Variants in PLB1 observed in about 807,000 individuals in gnomAD.
The protein encoded by PLB1 is phospholipase B1, also known as phospholipase B1, membrane-associated.
In PLB1, 242 loss-of-function variants were observed where a neutral mutation model predicts 227.4. The ratio of observed to expected loss-of-function variants is 1.06; its 90% CI spans 0.96 to 1.18. The LOEUF (loss-of-function observed/expected upper bound fraction) is 1.18, where lower values mean the gene tolerates loss of function less well. Among genes scored for constraint, PLB1 ranks in the 50% most tolerant of loss-of-function variants. The pLI is 0.00. For missense variants in PLB1, 1,858 were observed against 1,816.3 expected, an observed-to-expected ratio of 1.02 and a Z score of -0.42; for synonymous variants, 757 against 682.2, an observed-to-expected ratio of 1.11 and a Z score of -1.71.
At chr2:28,624,533 G>GA (rs912459895) in intron 49 of PLB1, among the ~76,000 whole-genome samples, 1,767 of 146,754 alleles carry the variant, frequency 0.012, 30 homozygotes, top group African/African-American at 0.041. Flanking sequence ...TGGAGAGGGA[G>GA]AAAAAAAAAA....
intron 49 of PLB1, among the ~76,000 whole-genome samples, chr2:28,622,613 G>C (rs1322290563): frequency 6.6e-6 from 1 of 152,184 alleles, no homozygotes; most frequent in African/African-American, 2.4e-5. Flanking sequence ...AAAGGGCCAG[G>C]CATGGTGACT....
intron 1 of PLB1, among the ~76,000 whole-genome samples, chr2:28,514,845 T>C (rs1200629372): frequency 6.6e-6 from 1 of 152,112 alleles, no homozygotes; most frequent in Non-Finnish European, 1.5e-5. Context: ...TATTTTTATT[T>C]TATTTTTTTA....
intron 9 of PLB1, among the ~76,000 whole-genome samples, chr2:28,533,159 C>G (rs551892037): frequency 1.3e-4 from 20 of 152,262 alleles, no homozygotes; most frequent in African/African-American, 4.1e-4. Flanking sequence ...CTCTTGCCTT[C>G]CTTCAAGTGC....
chr2:28,593,987 G>T (rs1469049098), intron 33 of PLB1: 8 of 743,870 alleles, frequency 1.1e-5, no homozygotes, highest in Admixed American at 1.8e-5. Flanking sequence ...GTAAACCAGG[G>T]TTCTTATCAG....
At position 28,598,005 on chromosome 2, in the gene PLB1, T is replaced by C; in HGVS notation, c.2322T>C (p.Ser774=). The C allele has an allele frequency of 6.2e-7, 1 of 1,612,636 alleles. No homozygotes were observed. Among genetic ancestry groups the C allele is most frequent in the Non-Finnish European group, 8.5e-7 (1 of 1,178,700 alleles). The part of the protein sequence containing the change: ...VTTQYRGLSY[S]AGGDGSLENV... The stretch of plus-strand genomic sequence containing the variant: ...TCACTGGCTTGCTCACTCCCTACAG[T>C]GCAGGAGGGGACGGCTCCCTGGAGA... The change falls in exon 34 of 58, where the codon AGT becomes AGC. Residue 774 remains serine, a splice_region_variant and synonymous_variant. Coordinates refer to ENST00000327757, the MANE Select transcript of PLB1 (RefSeq NM_153021.5).
At chr2:28,539,313 G>T in intron 11 of PLB1, 135 bp downstream of exon 11, 2 of 786,058 alleles carry the variant, frequency 2.5e-6, no homozygotes, top group Non-Finnish European at 4.3e-6. Context: ...AGAAACACAT[G>T]CGAGCTCACA....
chr2:28,598,828 C>T lies in PLB1; in HGVS notation c.2474+68C>T, dbSNP rs7557449. On this transcript the variant is annotated intron_variant, in intron 35 of 57. Transcript: ENST00000327757. ...GGAATGTGGATAGTACCCTTTAAGA[C>T]CATGGGGCTGGCCTCTATGTGCAAA... is the stretch of plus-strand genomic sequence containing the variant. 9.8e-3 allele frequency: 13,405 copies of T among 1,362,352 alleles called. 1,015 individuals are homozygous for T. The African/African-American group carries it at 0.17, about 17-fold the overall frequency. The allele number at this position is 1,362,352 out of a possible 1,614,324, so 84.4% of individuals were successfully genotyped here.
intron 20 of PLB1, 138 bp downstream of exon 20, chr2:28,566,977 CCGAGACTGCCGCCCAGCT>C: frequency 1.0e-6 from 1 of 964,442 alleles, no homozygotes; most frequent in South Asian, 1.4e-5. Context: ...GCGCTGCCTC[CCGAGACTGCCGCCCAGCT>C]CCGCTTCCGA....
At position 28,632,059 on chromosome 2, in the gene PLB1, C is replaced by T. The variant is rs780182466; in HGVS notation, c.3921C>T (p.Tyr1307=). Residue 1307 remains tyrosine (Y), a synonymous_variant, in exon 55 of 58, where the codon TAC becomes TAT. Coordinates refer to ENST00000327757, the MANE Select transcript of PLB1 (RefSeq NM_153021.5). ...NLQHGISSFS[Y]WHQYTQREDF... is the part of the protein sequence containing the mutation. ...AGCATGGCATCTCCAGTTTCTCCTA[C>T]TGGCACCAATACACACAGCGTGAGG... The T allele has an allele frequency of 6.2e-7, 1 of 1,614,092 alleles. No homozygotes were observed. The highest frequency in any genetic ancestry group is 8.5e-7 in the Non-Finnish European group (1 of 1,179,974).
intron 17 of PLB1, among the ~76,000 whole-genome samples, chr2:28,559,199 G>C (rs2148233159): frequency 6.6e-6 from 1 of 152,310 alleles, no homozygotes; most frequent in East Asian, 1.9e-4. Context: ...GTCTCTATCA[G>C]TGGTTCTGAA....
In PLB1 at chr2:28,502,660, G is replaced by A. The variant is rs1667229645; in HGVS notation, c.55+6491G>A. On this transcript the variant is annotated intron_variant, in intron 1 of 57. Transcript: ENST00000327757. The stretch of plus-strand genomic sequence containing the variant: ...TTGTTTCAGGTTATTTTTCTTATAT[G>A]CCCATGAATGAGAGTGAGTTATAAG... Among the ~76,000 whole-genome samples the A allele has an allele frequency of 2.0e-5, 3 of 152,204 alleles. 1 individual carries two copies. The South Asian group carries it at 6.2e-4, about 32-fold the overall frequency.
intron 8 of PLB1, 89 bp from the exon 9 acceptor site, chr2:28,532,019 A>T: frequency 3.9e-6 from 4 of 1,026,384 alleles, no homozygotes; most frequent in Non-Finnish European, 5.9e-6. Context: ...GGATGGGTGT[A>T]TGAAATGGAA....
intron 4 of PLB1, among the ~76,000 whole-genome samples, chr2:28,522,352 G>A (rs1049193708): frequency 1.3e-5 from 2 of 152,168 alleles, no homozygotes; most frequent in South Asian, 2.1e-4. Flanking sequence ...CTCTCTTATC[G>A]ATGCTGATGG....
At chr2:28,525,642 C>A (rs922799728) in intron 5 of PLB1, among the ~76,000 whole-genome samples, 1 of 152,212 alleles carries the variant, frequency 6.6e-6, no homozygotes, top group Non-Finnish European at 1.5e-5. Flanking sequence ...CTCATTCTAC[C>A]CTGGGGTCAG....
intron 21 of PLB1, among the ~76,000 whole-genome samples, chr2:28,575,839 C>A (rs547092791): frequency 6.6e-6 from 1 of 152,328 alleles, no homozygotes; most frequent in Non-Finnish European, 1.5e-5. Flanking sequence ...GTGTGAGCCA[C>A]TGTGCCCAGC....
intron 23 of PLB1, among the ~76,000 whole-genome samples, chr2:28,581,514 T>C: frequency 7.1e-6 from 1 of 140,034 alleles, no homozygotes; most frequent in African/African-American, 2.8e-5. Context: ...AATAAATAAA[T>C]AAATAAATAA....
At chr2:28,638,231 G>T (rs866429537) in intron 56 of PLB1, among the ~76,000 whole-genome samples, 23 of 151,850 alleles carry the variant, frequency 1.5e-4, no homozygotes, top group Middle Eastern at 6.3e-3. Flanking sequence ...ACAGAGTAAT[G>T]GTGGGGGAGA....
At position 28,552,978 on chromosome 2, in the gene PLB1, G is replaced by A. The variant is rs767740488; in HGVS notation, c.1134G>A (p.Thr378=). 1.3e-5 allele frequency: 21 copies of A among 1,613,596 alleles called. No individual in the cohort carries two copies. The highest frequency in any genetic ancestry group is 1.1e-4 in the South Asian group (10 of 91,060). The change falls in exon 17 of 58, where the codon ACG becomes ACA. Residue 378 remains threonine (T), a synonymous_variant. Coordinates refer to ENST00000327757, the MANE Select transcript of PLB1 (RefSeq NM_153021.5). The part of the protein sequence containing the change: ...IRCPDKDPSD[T]VPTSVHRLKP... ...GTCCTGACAAAGACCCCTCCGATAC[G>A]GTTCCCACCTCAGGTACACAGCTTG...
At chr2:28,592,439 C>A (rs1682124983) in intron 31 of PLB1, among the ~76,000 whole-genome samples, 1 of 152,004 alleles carries the variant, frequency 6.6e-6, no homozygotes. Flanking sequence ...CCCTCCTTCT[C>A]CCTCTCTGCA....
Sources: allele counts gnomAD v4.1 joint callset (sites outside exome capture counted in the v4.1 genomes callset), GRCh38; gene constraint gnomAD v4.1.1; transcripts MANE v1.5; gene names NCBI Gene and HGNC (gene_info 2026-07-23, HGNC 2026-07-21).